Variants in KIF5B observed in about 807,000 individuals in gnomAD.
KIF5B encodes the protein kinesin family member 5B.
A neutral mutation model predicts 132.8 loss-of-function variants in KIF5B; 49 were observed. That is an observed-to-expected ratio of 0.37 (90% CI 0.29 to 0.47). The LOEUF is 0.47. Ranked by LOEUF, KIF5B falls within the 20% of genes least tolerant of loss-of-function variation. The pLI, the probability that KIF5B is intolerant of heterozygous loss-of-function variation, is 1.00. For synonymous variants in KIF5B, 355 were observed against 369.4 expected, an observed-to-expected ratio of 0.96 and a Z score of 0.45; for missense variants, 780 against 1,144.0, an observed-to-expected ratio of 0.68 and a Z score of 4.59.
At chr10:32,038,652 A>G (rs1841492203) in intron 5 of KIF5B, 126 bp downstream of exon 5, 3 of 634,694 alleles carry the variant, frequency 4.7e-6, no homozygotes, top group African/African-American at 3.7e-5. Flanking sequence ...AGAAGAAAAA[A>G]AATTTTGTCT....
chr10:32,046,326 C>A (rs1001905306), intron 2 of KIF5B, among the ~76,000 whole-genome samples: 1 of 152,118 alleles, frequency 6.6e-6, no homozygotes, highest in Non-Finnish European at 1.5e-5. Flanking sequence ...GTTCTATGAT[C>A]GATCCCTCTG....
At chr10:32,049,751 G>A (rs1841664248) in intron 1 of KIF5B, among the ~76,000 whole-genome samples, 1 of 151,974 alleles carries the variant, frequency 6.6e-6, no homozygotes, top group Non-Finnish European at 1.5e-5. Flanking sequence ...AAAATCAGTG[G>A]TGTCCATGCA....
At chr10:32,020,376 C>G (rs1841242896) in intron 19 of KIF5B, among the ~76,000 whole-genome samples, 1 of 149,884 alleles carries the variant, frequency 6.7e-6, no homozygotes, top group African/African-American at 2.5e-5. Context: ...ACTAAGATGA[C>G]AACTTAAAAA....
rs1311532765 is a variant in KIF5B at position 32,033,967 on chromosome 10, C to T, written c.1183G>A (p.Asp395Asn). The change falls in exon 12 of 26, where the codon GAT (aspartate) becomes AAT (asparagine). Residue 395 changes from aspartate to asparagine, a missense_variant. By Grantham distance (23) the Asp-to-Asn change is conservative (BLOSUM62 1). Around this residue, in one of 9 missense-constraint regions of KIF5B, gnomAD observed 471 missense variants for 569.9 expected, o/e 0.83. Coordinates refer to ENST00000302418, the MANE Select transcript of KIF5B (RefSeq NM_004521.3). Reference protein sequence around the residue: ...ANLEAFTVDKDITLTNDKPAT... With the variant: ...ANLEAFTVDKNITLTNDKPAT... Reference sequence around the variant, plus strand: ...GGTTTATCATTGGTAAGAGTAATATCTTTATCCACTGTGAAAGCTTCCAAG... The same window carrying T: ...GGTTTATCATTGGTAAGAGTAATATTTTTATCCACTGTGAAAGCTTCCAAG... The T allele has an allele frequency of 6.2e-7, 1 of 1,610,780 alleles. No individual in the cohort carries two copies. The highest frequency in any genetic ancestry group is 8.5e-7 in the Non-Finnish European group (1 of 1,178,054).
At chr10:32,043,505 A>G (rs528187732) in intron 2 of KIF5B, among the ~76,000 whole-genome samples, 1 of 152,212 alleles carries the variant, frequency 6.6e-6, no homozygotes, top group South Asian at 2.1e-4. Flanking sequence ...GGTAGGCTAC[A>G]TCTGGAAAAA....
chr10:32,036,396 T>C (rs1235313211), intron 8 of KIF5B, among the ~76,000 whole-genome samples: 1 of 152,146 alleles, frequency 6.6e-6, no homozygotes, highest in African/African-American at 2.4e-5. Context: ...TTTAAAAATA[T>C]ATAAAATATC....
chr10:32,050,954 T>C (rs1383115391), intron 1 of KIF5B, among the ~76,000 whole-genome samples: 2 of 152,150 alleles, frequency 1.3e-5, no homozygotes, highest in East Asian at 3.8e-4. Context: ...AGAAAGTAAT[T>C]TTCCCTCATT....
chr10:32,011,611 AAC>A (rs983652550), intron 25 of KIF5B, 95 bp from the exon 26 acceptor site: 2 of 152,218 alleles, frequency 1.3e-5, no homozygotes, highest in Non-Finnish European at 2.9e-5. Flanking sequence ...AAAATATGCC[AAC>A]AGTTTATTAT....
chr10:32,034,636 A>G (rs781775408), intron 11 of KIF5B, 54 bp downstream of exon 11: 75 of 1,312,224 alleles, frequency 5.7e-5, no homozygotes, highest in Non-Finnish European at 6.5e-5. Context: ...CTACGTTTCT[A>G]TGCTCTAAAT....
intron 2 of KIF5B, among the ~76,000 whole-genome samples, chr10:32,046,681 G>A (rs556237087): frequency 6.6e-6 from 1 of 152,200 alleles, no homozygotes; most frequent in Non-Finnish European, 1.5e-5. Context: ...GCCTCCCAAA[G>A]TGCTGGAATT....
Position 32,018,571 on chromosome 10 carries a change from A to G in KIF5B, c.2307-9T>C, listed in dbSNP as rs751846936. The G allele has an allele frequency of 1.3e-6, 2 of 1,598,290 alleles. No individual in the cohort carries two copies. Among genetic ancestry groups the G allele is most frequent in the African/African-American group, 2.8e-5 (2 of 72,432 alleles). On this transcript the variant is annotated splice_polypyrimidine_tract_variant and intron_variant, in intron 20 of 25. Transcript: ENST00000302418. Reference sequence around the variant, plus strand: ...GTCTATCTTGCATAACCCTAACAGTAGAAGAACAAACATATATTTTCAAAT... The same window carrying G: ...GTCTATCTTGCATAACCCTAACAGTGGAAGAACAAACATATATTTTCAAAT...
At chr10:32,036,861 A>G (rs1042305862) in intron 8 of KIF5B, among the ~76,000 whole-genome samples, 9 of 152,258 alleles carry the variant, frequency 5.9e-5, no homozygotes, top group South Asian at 2.1e-4. Context: ...AAGGAAAGAA[A>G]TAAGTCCAAC....
At chr10:32,055,379 T>C (rs556824345) in intron 1 of KIF5B, among the ~76,000 whole-genome samples, 1 of 152,188 alleles carries the variant, frequency 6.6e-6, no homozygotes, top group African/African-American at 2.4e-5. Flanking sequence ...TATGTTTCCA[T>C]AAAACTAAGC....
intron 13 of KIF5B, among the ~76,000 whole-genome samples, chr10:32,031,509 AGAG>A (rs1008575759): frequency 9.2e-5 from 14 of 152,188 alleles, no homozygotes; most frequent in Admixed American, 8.5e-4. Context: ...ACACAGTAGA[AGAG>A]AAGATAGGCA....
At chr10:32,012,352 G>A (rs899054666) in intron 25 of KIF5B, among the ~76,000 whole-genome samples, 1 of 152,188 alleles carries the variant, frequency 6.6e-6, no homozygotes, top group Non-Finnish European at 1.5e-5. Flanking sequence ...GTGGGCGCCT[G>A]TAATCCCAGC....
chr10:32,043,113 C>T (rs1012622726), intron 2 of KIF5B, among the ~76,000 whole-genome samples: 1 of 152,094 alleles, frequency 6.6e-6, no homozygotes, highest in South Asian at 2.1e-4. Flanking sequence ...AAGCAATTCT[C>T]GTGCCTCAGC....
At chr10:32,040,778 G>A (rs1289280169) in intron 2 of KIF5B, among the ~76,000 whole-genome samples, 3 of 151,918 alleles carry the variant, frequency 2.0e-5, no homozygotes, top group Non-Finnish European at 4.4e-5. Flanking sequence ...CGGATCACAA[G>A]GTCAGGAGTT....
chr10:32,026,437 CAAAAA>C (rs71027049), intron 15 of KIF5B, among the ~76,000 whole-genome samples: 12 of 48,930 alleles, frequency 2.5e-4, no homozygotes, highest in East Asian at 1.7e-3. Context: ...GATTCCGTCT[CAAAAA>C]AAAAAAAAAA....
chr10:32,020,769 G>C (rs1841248337), intron 19 of KIF5B, among the ~76,000 whole-genome samples: 1 of 152,006 alleles, frequency 6.6e-6, no homozygotes, highest in Non-Finnish European at 1.5e-5. Context: ...ATTTGGAGAA[G>C]ACTGTGGTAT....
Sources: gnomAD v4.1 joint callset for allele counts (sites outside exome capture counted in the v4.1 genomes callset) on GRCh38, gnomAD v4.1.1 for gene constraint, gnomAD v4.1.1 regional missense constraint, MANE v1.5 for transcripts, NCBI Gene and HGNC (gene_info 2026-07-23, HGNC 2026-07-21) for gene names.